PRKN: variants seen among roughly 807,000 people sequenced by gnomAD.
The protein encoded by PRKN is parkin RBR E3 ubiquitin protein ligase, also known as E3 ubiquitin-protein ligase parkin.
In PRKN, 56 loss-of-function variants were observed where a neutral mutation model predicts 59.5. The observed-to-expected ratio is 0.94, with a 90% CI of 0.76 to 1.18. The LOEUF (loss-of-function observed/expected upper bound fraction) is 1.18, where lower values mean the gene tolerates loss of function less well. Ranked by LOEUF, PRKN falls within the 50% of genes most tolerant of loss-of-function variation. The probability of loss-of-function intolerance (pLI) is 0.00; values close to 1 mark genes in which losing one functional copy is unlikely to be tolerated. For synonymous variants in PRKN, 250 were observed against 222.1 expected, an observed-to-expected ratio of 1.13 and a Z score of -1.12; for missense variants, 657 against 596.4, an observed-to-expected ratio of 1.10 and a Z score of -1.06.
chr6:161,980,981 T>C (rs1283017278), intron 5 of PRKN, among the ~76,000 whole-genome samples: 1 of 152,246 alleles, frequency 6.6e-6, no homozygotes, highest in African/African-American at 2.4e-5. Flanking sequence ...CAAATATACA[T>C]TGTATATTGA....
intron 7 of PRKN, among the ~76,000 whole-genome samples, chr6:161,606,689 G>A (rs1782294243): frequency 6.6e-6 from 1 of 152,186 alleles, no homozygotes. Context: ...GGGAAATTCA[G>A]TCATAATCAA....
chr6:161,815,771 G>T (rs1303682230), intron 6 of PRKN, among the ~76,000 whole-genome samples: 1 of 152,184 alleles, frequency 6.6e-6, no homozygotes, highest in African/African-American at 2.4e-5. Context: ...AGGTCTGTGT[G>T]TAGGGGGAAG....
At chr6:162,417,446 G>A (rs1170873387) in intron 2 of PRKN, among the ~76,000 whole-genome samples, 2 of 152,180 alleles carry the variant, frequency 1.3e-5, no homozygotes, top group Middle Eastern at 3.2e-3. Context: ...GGCAGCTGTG[G>A]GGGCAGAAGA....
chr6:162,533,095 C>G (rs1208030265), intron 1 of PRKN, among the ~76,000 whole-genome samples: 1 of 152,148 alleles, frequency 6.6e-6, no homozygotes, highest in African/African-American at 2.4e-5. Context: ...CTCTCAAATT[C>G]TTGTATCTGC....
At chr6:162,649,767 G>A (rs1477917433) in intron 1 of PRKN, among the ~76,000 whole-genome samples, 2 of 152,110 alleles carry the variant, frequency 1.3e-5, no homozygotes, top group Admixed American at 6.6e-5. Flanking sequence ...AGAAAGAACT[G>A]GAACCTGCCA....
intron 1 of PRKN, among the ~76,000 whole-genome samples, chr6:162,458,085 C>A (rs1395300743): frequency 6.6e-6 from 1 of 151,776 alleles, no homozygotes; most frequent in Non-Finnish European, 1.5e-5. Context: ...TAAACCCAGT[C>A]TCTACTAAAA....
intron 2 of PRKN, among the ~76,000 whole-genome samples, chr6:162,388,761 C>G (rs1406540193): frequency 6.6e-6 from 1 of 152,094 alleles, no homozygotes; most frequent in Non-Finnish European, 1.5e-5. Context: ...TTACATGTGC[C>G]CAGGGGGCCC....
chr6:162,659,730 T>G (rs1409812306), intron 1 of PRKN, among the ~76,000 whole-genome samples: 2 of 152,170 alleles, frequency 1.3e-5, no homozygotes, highest in East Asian at 3.8e-4. Context: ...TCTGTTCTAT[T>G]ATACATTTCC....
In PRKN at chr6:161,795,228, C is replaced by CTTTTTTTTTTTT. The variant is rs58319044; in HGVS notation, c.735-9332_735-9321dup. ...GTTATTTGTATTACTGTTTTCTTTT[C>CTTTTTTTTTTTT]TTTTTTTTTTTTTTTCTTTTCTGAG... On this transcript the variant is annotated intron_variant, in intron 6 of 11. Coordinates refer to ENST00000366898, the MANE Select transcript of PRKN (RefSeq NM_004562.3). Among the ~76,000 whole-genome samples the CTTTTTTTTTTTT allele has an allele frequency of 2.3e-5, 3 of 128,422 alleles. No individual in the cohort carries two copies. The Admixed American group carries it at 2.5e-4, about 11-fold the overall frequency. 84.2% of individuals were successfully genotyped at this position (128,422 alleles called of 152,430 possible). A position where few individuals can be genotyped will look rare whatever the true frequency, so the allele number is the denominator to read the frequency against.
intron 3 of PRKN, among the ~76,000 whole-genome samples, chr6:162,205,478 T>C (rs1784898876): frequency 6.7e-6 from 1 of 150,352 alleles, no homozygotes; most frequent in Non-Finnish European, 1.5e-5. Context: ...TTTCCATCAC[T>C]AGTTGTCACT....
intron 4 of PRKN, among the ~76,000 whole-genome samples, chr6:162,120,192 C>T (rs903636094): frequency 6.6e-6 from 1 of 152,146 alleles, no homozygotes; most frequent in Admixed American, 6.5e-5. Context: ...TTTGCAGAGA[C>T]AAGGTTTCAC....
In PRKN at chr6:161,731,515, T is replaced by C. The variant is rs986494423; in HGVS notation, c.871+54257A>G. On this transcript the variant is annotated intron_variant, in intron 7 of 11. Coordinates refer to ENST00000366898, the MANE Select transcript of PRKN (RefSeq NM_004562.3). The stretch of plus-strand genomic sequence containing the variant: ...AGCATAAAAGATTTAAAAGTAAAAG[T>C]ATGTATTTTGAGTAGGTATTTCCTT... 3.9e-5 allele frequency among the ~76,000 whole-genome samples: 6 copies of C among 152,248 alleles called. No individual in the cohort carries two copies. In the South Asian group the frequency reaches 8.3e-4, roughly 21 times the overall value.
At chr6:161,951,687 G>A (rs539003591) in intron 6 of PRKN, among the ~76,000 whole-genome samples, 270 of 152,208 alleles carry the variant, frequency 1.8e-3, no homozygotes, top group African/African-American at 6.1e-3. Context: ...AGGCCGAGGC[G>A]GGCAGATCAT....
At chr6:162,685,342 A>G (rs1779930199) in intron 1 of PRKN, among the ~76,000 whole-genome samples, 1 of 152,210 alleles carries the variant, frequency 6.6e-6, no homozygotes, top group South Asian at 2.1e-4. Context: ...GTTTTAATAA[A>G]TTTAACCATT....
At chr6:162,686,339 T>C (rs964916377) in intron 1 of PRKN, among the ~76,000 whole-genome samples, 2 of 152,156 alleles carry the variant, frequency 1.3e-5, no homozygotes, top group African/African-American at 4.8e-5. Flanking sequence ...TAATAAATGA[T>C]AACTCCTGAG....
intron 2 of PRKN, among the ~76,000 whole-genome samples, chr6:162,298,183 G>T (rs1213477347): frequency 6.6e-6 from 1 of 152,050 alleles, no homozygotes; most frequent in Non-Finnish European, 1.5e-5. Context: ...GAGAGAGAGA[G>T]AGAGAGAGAG....
At position 161,777,308 on chromosome 6, in the gene PRKN, A is replaced by G. The variant is rs568735617; in HGVS notation, c.871+8464T>C. 2.0e-5 allele frequency among the ~76,000 whole-genome samples: 3 copies of G among 152,280 alleles called. No individual in the cohort carries two copies. The East Asian group carries it at 5.8e-4, about 29-fold the overall frequency. ...AGAAAGTATAACACAATATCTGGTC[A>G]AAGAATGAGTTCACACTAGGAGAGC... On this transcript the variant is annotated intron_variant, in intron 7 of 11. Coordinates refer to ENST00000366898, the MANE Select transcript of PRKN (RefSeq NM_004562.3).
intron 1 of PRKN, among the ~76,000 whole-genome samples, chr6:162,576,459 C>T (rs1780559623): frequency 1.3e-5 from 2 of 152,128 alleles, no homozygotes; most frequent in African/African-American, 4.8e-5. Context: ...CAGTGTTGAA[C>T]ATTCAGATTG....
chr6:162,506,717 A>G (rs1188043664), intron 1 of PRKN, among the ~76,000 whole-genome samples: 2 of 152,256 alleles, frequency 1.3e-5, no homozygotes, highest in East Asian at 1.9e-4. Flanking sequence ...GGAGATATCA[A>G]TACAGTGGGA....
Sources: allele counts gnomAD v4.1 joint callset (sites outside exome capture counted in the v4.1 genomes callset), GRCh38; gene constraint gnomAD v4.1.1; transcripts MANE v1.5; gene names NCBI Gene and HGNC (gene_info 2026-07-23, HGNC 2026-07-21).